The following LHCGR variants were observed in gnomAD, a reference collection of about 807,000 sequenced individuals.
LHCGR encodes the protein luteinizing hormone/choriogonadotropin receptor, also known as lutropin-choriogonadotropic hormone receptor.
A neutral mutation model predicts 60.7 loss-of-function variants in LHCGR; 55 were observed. The observed-to-expected ratio is 0.91, with a 90% CI of 0.73 to 1.13. LHCGR has a LOEUF of 1.13. LHCGR is among the 50% of genes most tolerant of loss of function. The pLI is 0.00. For synonymous variants in LHCGR, 337 were observed against 316.5 expected, an observed-to-expected ratio of 1.06 and a Z score of -0.69; for missense variants, 862 against 836.0, an observed-to-expected ratio of 1.03 and a Z score of -0.38.
chr2:48,731,787 G>T (rs1376974597), intron 1 of LHCGR, among the ~76,000 whole-genome samples: 1 of 152,194 alleles, frequency 6.6e-6, no homozygotes, highest in African/African-American at 2.4e-5. Context: ...ATGTTGAGTA[G>T]AGTGGAGACA....
intron 1 of LHCGR, among the ~76,000 whole-genome samples, chr2:48,744,783 G>C (rs1029395230): frequency 1.2e-4 from 18 of 151,256 alleles, no homozygotes; most frequent in Non-Finnish European, 2.5e-4. Flanking sequence ...ACATAGGCAT[G>C]GGCAAGGACT....
chr2:48,692,136 A>G (rs369215002), intron 10 of LHCGR, among the ~76,000 whole-genome samples: 4 of 152,326 alleles, frequency 2.6e-5, no homozygotes, highest in South Asian at 2.1e-4. Flanking sequence ...TAAAAAATCT[A>G]TAGAGACACC....
At chr2:48,724,643 A>T (rs1572866029) in intron 4 of LHCGR, among the ~76,000 whole-genome samples, 1 of 152,318 alleles carries the variant, frequency 6.6e-6, no homozygotes, top group East Asian at 1.9e-4. Flanking sequence ...AAAGACAATG[A>T]TTCTTAGATA....
At chr2:48,692,911 T>A (rs886590733) in intron 10 of LHCGR, among the ~76,000 whole-genome samples, 48 of 152,316 alleles carry the variant, frequency 3.2e-4, no homozygotes, top group African/African-American at 1.1e-3. Flanking sequence ...TGCTAGAGAT[T>A]AGGGACTTGT....
intron 1 of LHCGR, among the ~76,000 whole-genome samples, chr2:48,742,144 A>C (rs1032009254): frequency 9.9e-5 from 15 of 151,984 alleles, no homozygotes; most frequent in Admixed American, 6.6e-4. Flanking sequence ...AGAGCTAACT[A>C]TCCTAAATAT....
intron 6 of LHCGR, among the ~76,000 whole-genome samples, chr2:48,716,830 C>A (rs1202408929): frequency 1.3e-5 from 2 of 152,160 alleles, no homozygotes; most frequent in African/African-American, 4.8e-5. Context: ...TAGACTCTTG[C>A]CCGGTATTTG....
In LHCGR at chr2:48,731,271, C is replaced by T; in HGVS notation, c.189G>A (p.Val63=). 1 of 1,612,086 alleles carries T rather than the reference C, an allele frequency of 6.2e-7. No homozygotes were observed. Among genetic ancestry groups the T allele is most frequent in the South Asian group, 1.1e-5 (1 of 91,036 alleles). The part of the protein sequence containing the change: ...RLSLAYLPVK[V]IPSQAFRGLN... ...GTCCTCTGAAAGCTTGAGATGGGAT[C>T]ACTTTGACAGGGAGGTAGGCAAGTG... is the stretch of plus-strand genomic sequence containing the variant. Residue 63 remains valine (V), a synonymous_variant, in exon 2 of 11, where the codon GTG becomes GTA. Coordinates refer to ENST00000294954, the MANE Select transcript of LHCGR (RefSeq NM_000233.4).
chr2:48,745,851 A>G (rs1280602998), intron 1 of LHCGR, among the ~76,000 whole-genome samples: 1 of 151,540 alleles, frequency 6.6e-6, no homozygotes, highest in Non-Finnish European at 1.5e-5. Flanking sequence ...TATAATAATA[A>G]TAAATAAATA....
intron 8 of LHCGR, among the ~76,000 whole-genome samples, chr2:48,704,239 C>T (rs943958396): frequency 2.1e-4 from 32 of 152,028 alleles, no homozygotes; most frequent in South Asian, 4.2e-4. Context: ...GGGATGAAGC[C>T]GACTTGATTG....
chr2:48,721,872 C>T lies in LHCGR; in HGVS notation c.536+1584G>A, dbSNP rs374116770. Reference sequence around the variant, plus strand: ...GGCTTTAGGTATAAAGAAATGAGGCCGGGGGGTGGTGACTCATGCCTGTTT... The same window carrying T: ...GGCTTTAGGTATAAAGAAATGAGGCTGGGGGGTGGTGACTCATGCCTGTTT... On this transcript the variant is annotated intron_variant, in intron 6 of 10. Coordinates refer to ENST00000294954, the MANE Select transcript of LHCGR (RefSeq NM_000233.4). 2.8e-4 allele frequency: 125 copies of T among 445,484 alleles called. 1 individual carries two copies. The highest frequency in any genetic ancestry group is 1.5e-3 in the South Asian group (91 of 60,696). 27.6% of individuals were successfully genotyped at this position (445,484 alleles called of 1,614,324 possible).
At position 48,709,320 on chromosome 2, in the gene LHCGR, A is replaced by G. The variant is rs62135390; in HGVS notation, c.606-298T>C. ...TGTCCTGGAGTTATGAAAGTTTACC[A>G]CCAGACAGCTGGATAAGGATGAGAT... On this transcript the variant is annotated intron_variant, in intron 7 of 10. Coordinates refer to ENST00000294954, the MANE Select transcript of LHCGR (RefSeq NM_000233.4). 0.13 allele frequency among the ~76,000 whole-genome samples: 19,663 copies of G among 152,150 alleles called. 1,624 individuals carry two copies. The highest frequency in any genetic ancestry group is 0.24 in the South Asian group (1,178 of 4,810).
At chr2:48,718,505 G>C (rs1489499279) in intron 6 of LHCGR, among the ~76,000 whole-genome samples, 2 of 152,140 alleles carry the variant, frequency 1.3e-5, no homozygotes, top group Non-Finnish European at 2.9e-5. Flanking sequence ...CTTAATTTAT[G>C]TTTACAGATA....
chr2:48,742,370 C>T (rs1669496669), intron 1 of LHCGR, among the ~76,000 whole-genome samples: 1 of 151,432 alleles, frequency 6.6e-6, no homozygotes, highest in African/African-American at 2.4e-5. Flanking sequence ...ACTCTCCACC[C>T]CAAATCAACA....
intron 1 of LHCGR, among the ~76,000 whole-genome samples, chr2:48,738,367 C>T (rs1323824081): frequency 1.3e-5 from 2 of 152,172 alleles, no homozygotes; most frequent in African/African-American, 4.8e-5. Context: ...TTACTCCTTA[C>T]ACACTGCTAC....
chr2:48,737,706 T>C (rs1012958352), intron 1 of LHCGR, among the ~76,000 whole-genome samples: 1 of 152,248 alleles, frequency 6.6e-6, no homozygotes, highest in African/African-American at 2.4e-5. Context: ...TCAGTATAGA[T>C]GAACATCCAA....
intron 1 of LHCGR, among the ~76,000 whole-genome samples, chr2:48,748,236 G>T (rs908553561): frequency 2.6e-5 from 4 of 152,142 alleles, no homozygotes; most frequent in African/African-American, 4.8e-5. Flanking sequence ...GGCAGAGATG[G>T]TATCTTTGGA....
chr2:48,706,535 G>A (rs546147228), intron 8 of LHCGR, among the ~76,000 whole-genome samples: 6 of 152,252 alleles, frequency 3.9e-5, no homozygotes, highest in South Asian at 2.1e-4. Flanking sequence ...CCAATCAAAC[G>A]TAGATATGGT....
intron 8 of LHCGR, among the ~76,000 whole-genome samples, chr2:48,704,578 G>T (rs1023711506): frequency 5.9e-5 from 9 of 152,138 alleles, no homozygotes; most frequent in Non-Finnish European, 1.3e-4. Context: ...CCTGTTATTG[G>T]TCTATTCAGA....
chr2:48,755,645 C>T lies in LHCGR; in HGVS notation c.27G>A (p.Gln9=). The change falls in exon 1 of 11, where the codon CAG becomes CAA. Residue 9 remains glutamine, a synonymous_variant. Coordinates refer to ENST00000294954, the MANE Select transcript of LHCGR (RefSeq NM_000233.4). MKQRFSAL[Q]LLKLLLLLQP... is the part of the protein sequence containing the mutation. ...GCAGCAGCAGCAGCAGCTTCAGCAG[C>T]TGCAGCGCCGAGAACCGCTGCTTCA... The T allele has an allele frequency of 6.5e-7, 1 of 1,535,738 alleles. No homozygotes were observed. Among genetic ancestry groups the T allele is most frequent in the Non-Finnish European group, 8.7e-7 (1 of 1,146,298 alleles).
Sources: gnomAD v4.1 joint callset for allele counts (sites outside exome capture counted in the v4.1 genomes callset) on GRCh38, gnomAD v4.1.1 for gene constraint, MANE v1.5 for transcripts, NCBI Gene and HGNC (gene_info 2026-07-23, HGNC 2026-07-21) for gene names.